DOCK5: variants seen among roughly 807,000 people sequenced by gnomAD.
The protein encoded by DOCK5 is dedicator of cytokinesis 5, also known as dedicator of cytokinesis protein 5.
In DOCK5, 142 loss-of-function variants were observed where a neutral mutation model predicts 251.8. The ratio of observed to expected loss-of-function variants is 0.56; its 90% CI spans 0.49 to 0.65. The LOEUF is 0.65. DOCK5 is among the 30% of genes least tolerant of loss of function. The probability of loss-of-function intolerance (pLI) is 0.00; values close to 1 mark genes in which losing one functional copy is unlikely to be tolerated. For missense variants in DOCK5, 2,111 were observed against 2,312.3 expected (o/e 0.91, Z 1.79); for synonymous variants, 842 against 835.5 (o/e 1.01, Z -0.13).
At chr8:25,384,151 C>T (rs1801118137) in intron 40 of DOCK5, among the ~76,000 whole-genome samples, 1 of 152,190 alleles carries the variant, frequency 6.6e-6, no homozygotes, top group Admixed American at 6.5e-5. Context: ...CCACATGCAG[C>T]TTGCTAGGTA....
At chr8:25,376,268 GAT>G (rs1800961973) in intron 37 of DOCK5, 10 of 985,194 alleles carry the variant, frequency 1.0e-5, no homozygotes, top group African/African-American at 1.7e-5. Flanking sequence ...CCTGGTGTAA[GAT>G]ATGAGGTATG....
intron 46 of DOCK5, among the ~76,000 whole-genome samples, chr8:25,400,258 G>A (rs1801415115): frequency 6.6e-6 from 1 of 152,084 alleles, no homozygotes; most frequent in Non-Finnish European, 1.5e-5. Context: ...CAGCACTTTG[G>A]GAGGCTGAAG....
chr8:25,219,251 G>T (rs966479018), intron 1 of DOCK5, among the ~76,000 whole-genome samples: 1 of 152,008 alleles, frequency 6.6e-6, no homozygotes, highest in African/African-American at 2.4e-5. Context: ...GCCCTTCCTT[G>T]TACAGTTTTC....
At position 25,317,144 on chromosome 8, in the gene DOCK5, G is replaced by A. The variant is rs749537351; in HGVS notation, c.1443+13G>A. ...CAAGCTCTTGGAGGTGCGCGGCATG[G>A]CCCAGAAATCCTGCTACCATCGCAT... On this transcript the variant is annotated intron_variant, in intron 14 of 51. Coordinates refer to ENST00000276440, the MANE Select transcript of DOCK5 (RefSeq NM_024940.8). 2.5e-6 allele frequency: 4 copies of A among 1,610,472 alleles called. No homozygotes were observed. Among genetic ancestry groups the A allele is most frequent in the African/African-American group, 1.3e-5 (1 of 74,856 alleles).
chr8:25,415,109 G>T lies in DOCK5; in HGVS notation c.*3811G>T, dbSNP rs953626520. The T allele has an allele frequency of 6.6e-6, 1 of 151,852 alleles. No individual in the cohort carries two copies. The highest frequency in any genetic ancestry group is 1.5e-5 in the Non-Finnish European group (1 of 67,966). 9.4% of individuals were successfully genotyped at this position (151,852 alleles called of 1,614,324 possible). A position where few individuals can be genotyped will look rare whatever the true frequency, so the allele number is the denominator to read the frequency against. ...GGTGCTTTGACCCTGCCATACCCTG[G>T]CTATTAAGATAAAAAGATTTGTGGA... On this transcript the variant is annotated 3_prime_UTR_variant, in exon 52 of 52. Transcript: ENST00000276440.
intron 41 of DOCK5, among the ~76,000 whole-genome samples, chr8:25,389,963 A>C (rs2117317034): frequency 7.1e-6 from 1 of 140,438 alleles, no homozygotes; most frequent in Non-Finnish European, 1.5e-5. Flanking sequence ...TATGGCAAGG[A>C]TTGTTTGCCA....
chr8:25,224,962 G>A (rs1802492294), intron 1 of DOCK5, among the ~76,000 whole-genome samples: 1 of 152,186 alleles, frequency 6.6e-6, no homozygotes, highest in South Asian at 2.1e-4. Context: ...AAGAAGATAT[G>A]TAAATGGCCA....
At position 25,226,880 on chromosome 8, in the gene DOCK5, C is replaced by T. The variant is rs148019198; in HGVS notation, c.44-16794C>T. ...GATTACAGGCGTGAGCCACCGCACC[C>T]GGCTCCTCCATGTTTTAAATCCATA... On this transcript the variant is annotated intron_variant, in intron 1 of 51. Transcript: ENST00000276440. Among the ~76,000 whole-genome samples the T allele has an allele frequency of 4.5e-3, 683 of 152,216 alleles. 8 individuals carry two copies. Among genetic ancestry groups the T allele is most frequent in the African/African-American group, 0.015 (635 of 41,556 alleles).
At chr8:25,191,614 G>A (rs1040282643) in intron 1 of DOCK5, among the ~76,000 whole-genome samples, 1 of 152,078 alleles carries the variant, frequency 6.6e-6, no homozygotes, top group East Asian at 1.9e-4. Flanking sequence ...AAACATTTGA[G>A]CTGCTTTACC....
rs1188086274 is a variant in DOCK5, at chr8:25,334,102, A to T, written c.2098A>T (p.Ile700Phe). The T allele has an allele frequency of 6.2e-7, 1 of 1,613,248 alleles. No individual in the cohort carries two copies. The highest frequency in any genetic ancestry group is 1.7e-5 in the Admixed American group (1 of 60,004). Residue 700 changes from isoleucine to phenylalanine, a missense_variant, in exon 21 of 52, where the codon ATT (isoleucine) becomes TTT (phenylalanine). Physicochemically the swap from Ile to Phe is conservative, Grantham distance 21. Coordinates refer to ENST00000276440, the MANE Select transcript of DOCK5 (RefSeq NM_024940.8). ...TATTTTTCACTTTTGGCAGGTATTT[A>T]TTATTTCACTGATAGGAGACATCAA... ...DFLVFDALVF[I>F]ISLIGDIKFQ...
At chr8:25,186,656 G>A (rs1801438776) in intron 1 of DOCK5, among the ~76,000 whole-genome samples, 1 of 152,058 alleles carries the variant, frequency 6.6e-6, no homozygotes, top group South Asian at 2.1e-4. Flanking sequence ...TGGGATTACA[G>A]TCATGAGCCA....
intron 11 of DOCK5, among the ~76,000 whole-genome samples, chr8:25,307,981 C>A (rs895420581): frequency 1.5e-4 from 23 of 152,150 alleles, no homozygotes; most frequent in Admixed American, 1.4e-3. Context: ...AAGACTATAG[C>A]AATCCCATTT....
chr8:25,184,850 C>T lies in DOCK5; in HGVS notation c.-59C>T, dbSNP rs1801388567. Reference sequence around the variant, plus strand: ...CGCAGGAGCGCGGGGCGGCGGCGGCCGGAGCCCGAGGAGCTGTAGCAGCCT... The same window carrying T: ...CGCAGGAGCGCGGGGCGGCGGCGGCTGGAGCCCGAGGAGCTGTAGCAGCCT... On this transcript the variant is annotated 5_prime_UTR_variant, in exon 1 of 52. Coordinates refer to ENST00000276440, the MANE Select transcript of DOCK5 (RefSeq NM_024940.8). 3.1e-6 allele frequency: 4 copies of T among 1,275,972 alleles called. No homozygotes were observed. Among genetic ancestry groups the T allele is most frequent in the South Asian group, 5.4e-5 (2 of 36,714 alleles). The allele number at this position is 1,275,972 out of a possible 1,614,324, so 79.0% of individuals were successfully genotyped here.
At chr8:25,296,099 C>T (rs773215894) in intron 6 of DOCK5, among the ~76,000 whole-genome samples, 4 of 152,130 alleles carry the variant, frequency 2.6e-5, no homozygotes, top group South Asian at 2.1e-4. Context: ...GGATTACAGA[C>T]GTGAACCACG....
Position 25,351,818 on chromosome 8 carries a change from C to G in DOCK5, c.2842C>G (p.Pro948Ala). Residue 948 changes from proline (P) to alanine (A), a missense_variant, in exon 27 of 52, where the codon CCC becomes GCC. Physicochemically the swap from Pro to Ala is conservative, Grantham distance 27. This residue lies in a region of DOCK5 where 1,717 missense variants were observed against 1,892.4 expected (regional missense o/e 0.91). Transcript: ENST00000276440. ...RTVIGMNRQSPHIGSFVACMI... is the reference protein window; with the variant it reads ...RTVIGMNRQSAHIGSFVACMI... ...AGTGATTGGGATGAACCGGCAGTCT[C>G]CCCACATCGTGAGTATCTCTTTGTT... 1.2e-6 allele frequency: 2 copies of G among 1,613,498 alleles called. No homozygotes were observed. The highest frequency in any genetic ancestry group is 1.7e-6 in the Non-Finnish European group (2 of 1,179,650).
chr8:25,351,931 G>A (rs983098381), intron 27 of DOCK5, 105 bp downstream of exon 27: 26 of 765,696 alleles, frequency 3.4e-5, no homozygotes, highest in Non-Finnish European at 5.1e-5. Context: ...CTTCACATGG[G>A]CCTCTCACAT....
At chr8:25,387,830 G>T (rs1801190991) in intron 40 of DOCK5, among the ~76,000 whole-genome samples, 1 of 151,986 alleles carries the variant, frequency 6.6e-6, no homozygotes, top group Non-Finnish European at 1.5e-5. Flanking sequence ...CCCATCTAAG[G>T]CCCATGTCTT....
chr8:25,395,473 G>C, intron 44 of DOCK5, 70 bp from the exon 45 acceptor site: 3 of 1,523,794 alleles, frequency 2.0e-6, no homozygotes, highest in South Asian at 2.4e-5. Context: ...CAAGGGAAGA[G>C]TTAAACTTTT....
chr8:25,374,931 A>G, intron 37 of DOCK5: 3 of 1,252,486 alleles, frequency 2.4e-6, no homozygotes, highest in Non-Finnish European at 2.0e-6. Context: ...ACACACATTG[A>G]TGAATACATA....
Sources: gnomAD v4.1 joint callset for allele counts (sites outside exome capture counted in the v4.1 genomes callset) on GRCh38, gnomAD v4.1.1 for gene constraint, gnomAD v4.1.1 regional missense constraint, MANE v1.5 for transcripts, NCBI Gene and HGNC (gene_info 2026-07-23, HGNC 2026-07-21) for gene names.